The following VIL1 variants were observed in gnomAD, a reference collection of about 807,000 sequenced individuals.
VIL1 encodes villin-1.
In VIL1, 86 loss-of-function variants were observed where a neutral mutation model predicts 104.0. That is an observed-to-expected ratio of 0.83 (90% confidence interval 0.69 to 0.99). VIL1 has a LOEUF of 0.99. Among genes scored for constraint, VIL1 ranks in the 50% least tolerant of loss-of-function variants. VIL1 has a pLI of 0.00. For missense variants in VIL1, 944 were observed against 1,054.1 expected (o/e 0.90, Z 1.45); for synonymous variants, 394 against 412.6 (o/e 0.95, Z 0.55).
intron 19 of VIL1, among the ~76,000 whole-genome samples, chr2:218,442,312 T>C (rs1341138257): frequency 2.0e-5 from 3 of 152,150 alleles, no homozygotes; most frequent in Non-Finnish European, 4.4e-5. Context: ...GAGGTTTAGA[T>C]ACATGTTCAG....
rs1689476378 is a variant in VIL1 at position 218,451,518 on chromosome 2, G to T, written c.*2182G>T. On this transcript the variant is annotated 3_prime_UTR_variant, in exon 20 of 20. Coordinates refer to ENST00000248444, the MANE Select transcript of VIL1 (RefSeq NM_007127.3). ...CCTCTTTTCAGTAGATCACAAATGA[G>T]TTTACAAACTACTTTTTTTTCTCTT... The T allele has an allele frequency of 6.6e-6, 1 of 152,032 alleles. No homozygotes were observed. The highest frequency in any genetic ancestry group is 1.5e-5 in the Non-Finnish European group (1 of 68,004). The allele number at this position is 152,032 out of a possible 1,614,324, so 9.4% of individuals were successfully genotyped here.
Position 218,451,174 on chromosome 2 carries a change from T to C in VIL1, c.*1838T>C, listed in dbSNP as rs777482165. On this transcript the variant is annotated 3_prime_UTR_variant, in exon 20 of 20. Coordinates refer to ENST00000248444, the MANE Select transcript of VIL1 (RefSeq NM_007127.3). Reference sequence around the variant, plus strand: ...AGGGCAGAAGTCTATTTAGTTTTTGTATACACTTGCAAGAGTGCATTACTC... The same window carrying C: ...AGGGCAGAAGTCTATTTAGTTTTTGCATACACTTGCAAGAGTGCATTACTC... 1 of 152,230 alleles carries C rather than the reference T, an allele frequency of 6.6e-6. No homozygotes were observed. Among genetic ancestry groups the C allele is most frequent in the African/African-American group, 2.4e-5 (1 of 41,474 alleles). The allele number at this position is 152,230 out of a possible 1,614,324, so 9.4% of individuals were successfully genotyped here.
In VIL1 at chr2:218,427,992, C is replaced by T; in HGVS notation, c.375C>T (p.Gly125=). The T allele has an allele frequency of 6.2e-7, 1 of 1,614,140 alleles. No individual in the cohort carries two copies. The highest frequency in any genetic ancestry group is 8.5e-7 in the Non-Finnish European group (1 of 1,180,028). ...TCCGGAAAGGGGGCGTGGCTTCTGG[C>T]ATGAAGCACGTGGAGACCAACTCCT... ...LVIRKGGVAS[G]MKHVETNSYD... is the part of the protein sequence containing the mutation. The change falls in exon 5 of 20, where the codon GGC becomes GGT. Residue 125 remains glycine, a synonymous_variant. Coordinates refer to ENST00000248444, the MANE Select transcript of VIL1 (RefSeq NM_007127.3).
At position 218,429,403 on chromosome 2, in the gene VIL1, T is replaced by C; in HGVS notation, c.686T>C (p.Val229Ala). The change falls in exon 7 of 20, where the codon GTG (valine) becomes GCG (alanine). Residue 229 changes from valine to alanine, a missense_variant. Coordinates refer to ENST00000248444, the MANE Select transcript of VIL1 (RefSeq NM_007127.3). Reference sequence around the variant, plus strand: ...AAGCTGATGGAGGTGATGAACCACGTGCTGGGCAAGCGCAGGGAGCTGAAG... The same window carrying C: ...AAGCTGATGGAGGTGATGAACCACGCGCTGGGCAAGCGCAGGGAGCTGAAG... ...SPKLMEVMNH[V>A]LGKRRELKAA... The C allele has an allele frequency of 6.2e-7, 1 of 1,614,106 alleles. No homozygotes were observed.
rs764022284 is a variant in VIL1 at position 218,431,876 on chromosome 2, G to C, written c.1122G>C (p.Lys374Asn). 2.0e-5 allele frequency: 33 copies of C among 1,613,822 alleles called. No individual in the cohort carries two copies. The East Asian group carries it at 7.4e-4, about 36-fold the overall frequency. ...VGSVAKVEQV[K>N]FDATSMHVKP... ...CTCTAGCCAAAGTGGAACAGGTGAA[G>C]TTCGATGCCACATCCATGCATGTCA... The change falls in exon 11 of 20, where the codon AAG becomes AAC. Residue 374 changes from lysine to asparagine, a missense_variant. Transcript: ENST00000248444.
At chr2:218,420,778 G>C (rs1383515737) in intron 1 of VIL1, among the ~76,000 whole-genome samples, 1 of 151,980 alleles carries the variant, frequency 6.6e-6, no homozygotes, top group South Asian at 2.1e-4. Context: ...GTAGAGACAG[G>C]GTTTCACCGT....
At chr2:218,438,802 A>G in intron 18 of VIL1, 76 bp downstream of exon 18, 4 of 1,290,224 alleles carry the variant, frequency 3.1e-6, no homozygotes, top group Non-Finnish European at 4.4e-6. Flanking sequence ...AGAACGCTGC[A>G]GAGAAGACAC....
chr2:218,433,008 G>A lies in VIL1; in HGVS notation c.1500+57G>A, dbSNP rs368810886. 79 of 1,603,190 alleles carry A rather than the reference G, an allele frequency of 4.9e-5. No homozygotes were observed. The African/African-American group carries it at 8.9e-4, about 18-fold the overall frequency. ...AACCACTGTGGCAAGACAGGCATCC[G>A]GGAGATGGAGAAGGGGATGGGTGGT... On this transcript the variant is annotated intron_variant, in intron 13 of 19. Transcript: ENST00000248444.
chr2:218,429,588 G>C lies in VIL1; in HGVS notation c.771-9G>C, dbSNP rs1345279223. ...CCCTCCCCATCTATGCCTTGCTTCT[G>C]TCCTGCAGTGTGTCTGACTCCGAGG... On this transcript the variant is annotated splice_polypyrimidine_tract_variant and intron_variant, in intron 7 of 19. Transcript: ENST00000248444. 1 of 1,614,138 alleles carries C rather than the reference G, an allele frequency of 6.2e-7. No individual in the cohort carries two copies. The highest frequency in any genetic ancestry group is 8.5e-7 in the Non-Finnish European group (1 of 1,180,042).
chr2:218,419,838 C>T (rs936645271), intron 1 of VIL1, among the ~76,000 whole-genome samples: 3 of 152,204 alleles, frequency 2.0e-5, no homozygotes, highest in Admixed American at 6.5e-5. Context: ...TTCAGCAGAA[C>T]TAGGAATGGG....
At position 218,424,258 on chromosome 2, in the gene VIL1, A is replaced by T; in HGVS notation, c.76-19A>T. 6.2e-7 allele frequency: 1 copy of T among 1,610,496 alleles called. No individual in the cohort carries two copies. The highest frequency in any genetic ancestry group is 8.5e-7 in the Non-Finnish European group (1 of 1,177,644). Reference sequence around the variant, plus strand: ...CTGGTGGTCCAGGGCAGCCCCTCTGACCCTCTTTCTCTCCTTAGGCCATGC... The same window carrying T: ...CTGGTGGTCCAGGGCAGCCCCTCTGTCCCTCTTTCTCTCCTTAGGCCATGC... On this transcript the variant is annotated intron_variant, in intron 2 of 19. Transcript: ENST00000248444.
chr2:218,437,163 A>G lies in VIL1; in HGVS notation c.2011A>G (p.Lys671Glu). Reference sequence around the variant, plus strand: ...TGGGAAACATGCCAACGAGGAGGAGAAGAAGGCCGCAGCAACCACTGCACA... The same window carrying G: ...TGGGAAACATGCCAACGAGGAGGAGGAGAAGGCCGCAGCAACCACTGCACA... ...WIGKHANEEE[K>E]KAAATTAQEY... is the part of the protein sequence containing the mutation. Residue 671 changes from lysine (K) to glutamate (E), a missense_variant, in exon 17 of 20, where the codon AAG becomes GAG. Transcript: ENST00000248444. The G allele has an allele frequency of 1.2e-6, 2 of 1,613,988 alleles. No homozygotes were observed. The highest frequency in any genetic ancestry group is 1.7e-6 in the Non-Finnish European group (2 of 1,179,880).
Position 218,440,845 on chromosome 2 carries a change from G to T in VIL1, c.2353G>T (p.Asp785Tyr). Residue 785 changes from aspartate to tyrosine, a missense_variant, in exon 19 of 20, where the codon GAC becomes TAC. Coordinates refer to ENST00000248444, the MANE Select transcript of VIL1 (RefSeq NM_007127.3). Reference protein sequence around the residue: ...KPVEELPEGVDPSRKEEHLSI... With the variant: ...KPVEELPEGVYPSRKEEHLSI... ...TGTAGAGGAGCTCCCCGAGGGTGTG[G>T]ACCCCAGCAGGAAGGAGGTAGGTCA... is the stretch of plus-strand genomic sequence containing the variant. 1 of 1,614,120 alleles carries T rather than the reference G, an allele frequency of 6.2e-7. No individual in the cohort carries two copies. The highest frequency in any genetic ancestry group is 8.5e-7 in the Non-Finnish European group (1 of 1,179,996).
intron 19 of VIL1, among the ~76,000 whole-genome samples, chr2:218,443,345 ACAC>A (rs1400262467): frequency 6.6e-6 from 1 of 151,720 alleles, no homozygotes; most frequent in Non-Finnish European, 1.5e-5. Flanking sequence ...TTACATCCGC[ACAC>A]CACCACGCCT....
chr2:218,420,428 C>CAAAAAAAAAAAAAAA (rs71064447), intron 1 of VIL1, among the ~76,000 whole-genome samples: 10 of 80,106 alleles, frequency 1.2e-4, no homozygotes, highest in African/African-American at 2.1e-4. Flanking sequence ...GACTCTGTCT[C>CAAAAAAAAAAAAAAA]AAAAAAAAAA....
At chr2:218,441,424 C>G (rs1689282920) in intron 19 of VIL1, among the ~76,000 whole-genome samples, 1 of 151,564 alleles carries the variant, frequency 6.6e-6, no homozygotes, top group East Asian at 1.9e-4. Flanking sequence ...CAAAGAGGAG[C>G]CTGATTTAGA....
At chr2:218,434,419 C>T in intron 13 of VIL1, 107 bp from the exon 14 acceptor site, 3 of 1,169,194 alleles carry the variant, frequency 2.6e-6, no homozygotes, top group South Asian at 1.5e-5. Context: ...ATCAGAGGAG[C>T]TCAGGGGCAA....
chr2:218,426,515 G>T (rs1434319270), intron 4 of VIL1, among the ~76,000 whole-genome samples: 2 of 152,040 alleles, frequency 1.3e-5, no homozygotes, highest in Non-Finnish European at 2.9e-5. Flanking sequence ...GTCTCCCAAG[G>T]TGCTGGGATT....
rs964883890 is a variant in VIL1, at chr2:218,423,616, G to A, written c.-11-152G>A. 2.3e-5 allele frequency: 16 copies of A among 681,128 alleles called. No homozygotes were observed. In the East Asian group the frequency reaches 3.0e-4, roughly 13 times the overall value. The allele number at this position is 681,128 out of a possible 1,614,324, so 42.2% of individuals were successfully genotyped here. A position where few individuals can be genotyped will look rare whatever the true frequency, so the allele number is the denominator to read the frequency against. ...ACTGCGGATTTGGTACTAAACAAGCGGAAATGGTCCCTGAGTGGGGAGTAA... is the reference window on the plus strand; with the variant it reads ...ACTGCGGATTTGGTACTAAACAAGCAGAAATGGTCCCTGAGTGGGGAGTAA... On this transcript the variant is annotated intron_variant, in intron 1 of 19. Coordinates refer to ENST00000248444, the MANE Select transcript of VIL1 (RefSeq NM_007127.3).
Sources: gnomAD v4.1 joint callset for allele counts (sites outside exome capture counted in the v4.1 genomes callset) on GRCh38, gnomAD v4.1.1 for gene constraint, MANE v1.5 for transcripts, NCBI Gene and HGNC (gene_info 2026-07-23, HGNC 2026-07-21) for gene names.